The following USP9X variants were observed in gnomAD, a reference collection of about 807,000 sequenced individuals.
USP9X encodes ubiquitin specific peptidase 9 X-linked.
A neutral mutation model predicts 190.3 loss-of-function variants in USP9X; 7 were observed. The ratio of observed to expected loss-of-function variants is 0.04; its 90% CI spans 0.02 to 0.07. USP9X has a LOEUF of 0.07. USP9X is among the 10% of genes least tolerant of loss of function. The pLI is 1.00. For missense variants in USP9X, 1,010 were observed against 1,916.9 expected, an observed-to-expected ratio of 0.53 and a Z score of 8.83; for synonymous variants, 645 against 659.5, an observed-to-expected ratio of 0.98 and a Z score of 0.34.
At chrX:41,089,931 T>TTTTTTTTG (rs1569143018) in intron 1 of USP9X, among the ~76,000 whole-genome samples, 1 of 66,772 alleles carries the variant, frequency 1.5e-5, no homozygotes, top group South Asian at 9.1e-4. Flanking sequence ...TTTTTTTTTT[T>TTTTTTTTG]GAGACAGATT....
At chrX:41,160,632 C>T (rs2062621566) in intron 14 of USP9X, among the ~76,000 whole-genome samples, 1 of 111,496 alleles carries the variant, frequency 9.0e-6, no homozygotes, top group South Asian at 3.7e-4. Flanking sequence ...CAAAATAGTA[C>T]CTTTACATCA....
At chrX:41,141,486 T>C in intron 9 of USP9X, 55 bp downstream of exon 9, 1 of 1,057,960 alleles carries the variant, frequency 9.5e-7, no homozygotes, top group Non-Finnish European at 1.2e-6. Flanking sequence ...GACAAGAAAT[T>C]AGAATAGCTC....
intron 1 of USP9X, among the ~76,000 whole-genome samples, chrX:41,113,826 ATAATC>A (rs1278307899): frequency 8.9e-6 from 1 of 111,843 alleles, no homozygotes; most frequent in Admixed American, 9.4e-5. Context: ...CATGTAGATA[ATAATC>A]TATTTACTAC....
chrX:41,085,618 C>CCT lies in USP9X; in HGVS notation c.-642_-641dup, dbSNP rs945053955. 2 of 285,996 alleles carry CCT rather than the reference C, an allele frequency of 7.0e-6. No individual in the cohort carries two copies. Among genetic ancestry groups the CCT allele is most frequent in the African/African-American group, 2.8e-5 (1 of 36,106 alleles). The allele number at this position is 285,996 out of a possible 1,213,427, so 23.6% of individuals were successfully genotyped here. A position where few individuals can be genotyped will look rare whatever the true frequency, so the allele number is the denominator to read the frequency against. ...GCCTCGCGGGAGCCCGCCGCCGCCG[C>CCT]CTCTCTCTCACGGGAGGCGGCCGCC... is the stretch of plus-strand genomic sequence containing the variant. On this transcript the variant is annotated 5_prime_UTR_variant, in exon 1 of 45. Coordinates refer to ENST00000378308, the MANE Select transcript of USP9X (RefSeq NM_001039591.3).
At chrX:41,177,071 G>A (rs771566894) in intron 21 of USP9X, among the ~76,000 whole-genome samples, 7 of 112,348 alleles carry the variant, frequency 6.2e-5, no homozygotes, top group African/African-American at 2.3e-4. Flanking sequence ...AGAACAAGTT[G>A]TAGACAATCA....
In USP9X at chrX:41,206,488, G is replaced by A. The variant is rs967889247; in HGVS notation, c.5015+995G>A. On this transcript the variant is annotated intron_variant, in intron 32 of 44. Transcript: ENST00000378308. ...TTCCCTTTACAATTATGGGGGAATC[G>A]GAGGACAAATAGTTTAGCATGTAAA... is the stretch of plus-strand genomic sequence containing the variant. 5.4e-5 allele frequency among the ~76,000 whole-genome samples: 6 copies of A among 111,133 alleles called. No individual in the cohort carries two copies. The South Asian group carries it at 1.9e-3, about 34-fold the overall frequency.
At position 41,225,114 on chromosome X, in the gene USP9X, T is replaced by G; in HGVS notation, c.7038T>G (p.Ile2346Met). 1.7e-6 allele frequency: 2 copies of G among 1,211,738 alleles called. No individual in the cohort carries two copies. The highest frequency in any genetic ancestry group is 2.2e-6 in the Non-Finnish European group (2 of 895,395). The change falls in exon 41 of 45, where the codon ATT becomes ATG. Residue 2346 changes from isoleucine to methionine, a missense_variant. Transcript: ENST00000378308. Reference sequence around the variant, plus strand: ...ATCTGCTTTTGCAAATCTTACTGATTGAGGACTCCTGGCAAACTCACAGGT... The same window carrying G: ...ATCTGCTTTTGCAAATCTTACTGATGGAGGACTCCTGGCAAACTCACAGGT... ...YLDLLLQILLIEDSWQTHRIH... is the reference protein window; with the variant it reads ...YLDLLLQILLMEDSWQTHRIH...
Position 41,197,352 on chromosome X carries a change from C to G in USP9X, c.4234-12C>G, listed in dbSNP as rs749133519. ...TTCTTCCCCCCCCCACCCCACCCCCCGCCTTTGGCAGGATGATGTTAAAAG... is the reference window on the plus strand; with the variant it reads ...TTCTTCCCCCCCCCACCCCACCCCCGGCCTTTGGCAGGATGATGTTAAAAG... On this transcript the variant is annotated splice_polypyrimidine_tract_variant and intron_variant, in intron 28 of 44. Coordinates refer to ENST00000378308, the MANE Select transcript of USP9X (RefSeq NM_001039591.3). 3.0e-6 allele frequency: 3 copies of G among 987,038 alleles called. No individual in the cohort carries two copies. The highest frequency in any genetic ancestry group is 3.4e-5 in the South Asian group (1 of 29,364). 81.3% of individuals were successfully genotyped at this position (987,038 alleles called of 1,213,427 possible).
chrX:41,199,073 A>G (rs1421481619), intron 30 of USP9X, among the ~76,000 whole-genome samples: 2 of 110,694 alleles, frequency 1.8e-5, no homozygotes, highest in African/African-American at 6.6e-5. Context: ...AATCCCAGCT[A>G]CTCAGGAGGC....
chrX:41,214,923 A>C (rs1422203515), intron 34 of USP9X, among the ~76,000 whole-genome samples: 5 of 112,387 alleles, frequency 4.4e-5, no homozygotes, highest in Non-Finnish European at 9.4e-5. Flanking sequence ...TAAGATAAAA[A>C]TAGGTAAATA....
At chrX:41,195,980 C>T (rs1408312248) in intron 26 of USP9X, 2 of 460,723 alleles carry the variant, frequency 4.3e-6, no homozygotes, top group South Asian at 5.1e-5. Flanking sequence ...CATTTCCAGC[C>T]TGTTCCAAGA....
chrX:41,219,333 CA>C (rs2063240062), intron 38 of USP9X, 102 bp downstream of exon 38: 1 of 868,489 alleles, frequency 1.2e-6, no homozygotes, highest in Non-Finnish European at 1.6e-6. Flanking sequence ...GAAGTAGAAA[CA>C]ATTTCCCATA....
At chrX:41,150,508 C>G (rs1489611144) in intron 12 of USP9X, among the ~76,000 whole-genome samples, 1 of 111,219 alleles carries the variant, frequency 9.0e-6, no homozygotes, top group African/African-American at 3.3e-5. Flanking sequence ...TAAAAGATGG[C>G]CCATTTAGAG....
At chrX:41,152,893 T>C (rs1411129556) in intron 13 of USP9X, 55 bp from the exon 14 acceptor site, 7 of 1,145,450 alleles carry the variant, frequency 6.1e-6, no homozygotes, top group African/African-American at 1.8e-5. Flanking sequence ...CGAACTCTTC[T>C]GGTTACAACA....
intron 15 of USP9X, 97 bp downstream of exon 15, chrX:41,162,974 TCCCAAGTC>T: frequency 3.7e-6 from 2 of 539,772 alleles, no homozygotes; most frequent in South Asian, 6.6e-5. Context: ...GGTGGCCTTT[TCCCAAGTC>T]CCCAAGTCAT....
At chrX:41,180,731 C>A (rs1483946044) in intron 21 of USP9X, among the ~76,000 whole-genome samples, 1 of 112,015 alleles carries the variant, frequency 8.9e-6, no homozygotes, top group African/African-American at 3.2e-5. Flanking sequence ...TAGGGACTGG[C>A]ACTTAGTATT....
chrX:41,086,187 G>C (rs1226723078), intron 1 of USP9X, 78 bp downstream of exon 1: 1 of 288,097 alleles, frequency 3.5e-6, no homozygotes, highest in Non-Finnish European at 6.0e-6. Flanking sequence ...GGAGGGCGAG[G>C]GGGGTGTGCG....
chrX:41,118,375 T>C (rs1437184318), intron 1 of USP9X, among the ~76,000 whole-genome samples: 1 of 111,535 alleles, frequency 9.0e-6, no homozygotes, highest in East Asian at 2.8e-4. Context: ...CTTGGAATTA[T>C]GCAGTATTGT....
rs1270060232 is a variant in USP9X, at chrX:41,170,257, ATT to A, written c.2877+26_2877+27del. Reference sequence around the variant, plus strand: ...ATCGGTATGTATGTATAGTTAACAGATTTTTCAATAAAATCAAACCAGAGACT... The same window carrying A: ...ATCGGTATGTATGTATAGTTAACAGATTTCAATAAAATCAAACCAGAGACT... On this transcript the variant is annotated intron_variant, in intron 19 of 44. Coordinates refer to ENST00000378308, the MANE Select transcript of USP9X (RefSeq NM_001039591.3). The A allele has an allele frequency of 2.5e-6, 3 of 1,186,645 alleles. No individual in the cohort carries two copies. The Admixed American group carries it at 6.8e-5, about 27-fold the overall frequency.
Sources: gnomAD v4.1 joint callset for allele counts (sites outside exome capture counted in the v4.1 genomes callset) on GRCh38, gnomAD v4.1.1 for gene constraint, MANE v1.5 for transcripts, NCBI Gene and HGNC (gene_info 2026-07-23, HGNC 2026-07-21) for gene names.